Variants in COLEC12 observed in about 807,000 individuals in gnomAD.
COLEC12 encodes collectin subfamily member 12, also known as collectin-12.
A neutral mutation model predicts 71.1 loss-of-function variants in COLEC12; 33 were observed. The ratio of observed to expected loss-of-function variants is 0.46; its 90% CI spans 0.35 to 0.62. The LOEUF (loss-of-function observed/expected upper bound fraction) is 0.62. Among genes scored for constraint, COLEC12 ranks in the 20% least tolerant of loss-of-function variants. COLEC12 has a pLI of 0.00. For synonymous variants in COLEC12, 350 were observed against 353.0 expected (o/e 0.99, Z 0.10); for missense variants, 765 against 916.1 (o/e 0.84, Z 2.13).
intron 3 of COLEC12, among the ~76,000 whole-genome samples, chr18:350,916 C>T (rs934965095): frequency 4.0e-5 from 6 of 148,382 alleles, no homozygotes; most frequent in East Asian, 2.0e-4. Flanking sequence ...GCCGAGATCA[C>T]GCCATTGCAC....
intron 2 of COLEC12, among the ~76,000 whole-genome samples, chr18:429,327 T>C (rs553433133): frequency 1.3e-5 from 2 of 152,326 alleles, no homozygotes; most frequent in South Asian, 2.1e-4. Flanking sequence ...ATCTCTACAG[T>C]TGGCTGATTT....
At chr18:349,847 C>T (rs1015985525) in intron 3 of COLEC12, among the ~76,000 whole-genome samples, 1 of 152,204 alleles carries the variant, frequency 6.6e-6, no homozygotes, top group East Asian at 1.9e-4. Context: ...TCTGTTTTGG[C>T]CAATTTCTCC....
intron 2 of COLEC12, among the ~76,000 whole-genome samples, chr18:442,778 G>A (rs147354693): frequency 0.04 from 6,031 of 152,272 alleles, 221 homozygotes; most frequent in African/African-American, 0.095. Flanking sequence ...TGGCTAACAC[G>A]GTGAAACCCT....
chr18:332,996 G>T lies in COLEC12; in HGVS notation c.1953+11C>A. 1 of 1,552,184 alleles carries T rather than the reference G, an allele frequency of 6.4e-7. No homozygotes were observed. Among genetic ancestry groups the T allele is most frequent in the South Asian group, 1.2e-5 (1 of 81,894 alleles). ...TATAGTTTTCCCCAACCAAGTATGTGGCAGGCATACCTGTTCCTCTCTAGT... is the reference window on the plus strand; with the variant it reads ...TATAGTTTTCCCCAACCAAGTATGTTGCAGGCATACCTGTTCCTCTCTAGT... On this transcript the variant is annotated intron_variant, in intron 7 of 9. Coordinates refer to ENST00000400256, the MANE Select transcript of COLEC12 (RefSeq NM_130386.3).
At position 317,281 on chromosome 18, in the gene COLEC12, C is replaced by T. The variant is rs141139571; in HGVS notation, c.*2764G>A. 4 of 151,992 alleles carry T rather than the reference C, an allele frequency of 2.6e-5. No individual in the cohort carries two copies. The highest frequency in any genetic ancestry group is 4.4e-5 in the Non-Finnish European group (3 of 67,990). The allele number at this position is 151,992 out of a possible 1,614,324, so 9.4% of individuals were successfully genotyped here. A position where few individuals can be genotyped will look rare whatever the true frequency, so the allele number is the denominator to read the frequency against. ...GTATGTAAGTAGCTAAATATAGAGA[C>T]GTATAGGAGGCATCTTGTAATGTGT... On this transcript the variant is annotated 3_prime_UTR_variant, in exon 10 of 10. Transcript: ENST00000400256.
intron 2 of COLEC12, among the ~76,000 whole-genome samples, chr18:475,530 A>C (rs2621165): frequency 0.86 from 130,737 of 152,164 alleles, 56,549 homozygotes; most frequent in East Asian, 0.99. Flanking sequence ...CTGCCCCGTA[A>C]AAGCCCAGCA....
At chr18:324,346 C>A (rs1436904927) in intron 8 of COLEC12, among the ~76,000 whole-genome samples, 1 of 152,152 alleles carries the variant, frequency 6.6e-6, no homozygotes, top group South Asian at 2.1e-4. Flanking sequence ...AAGTCTGGGG[C>A]TCAAAGCCCT....
chr18:359,283 A>G (rs1188506634), intron 2 of COLEC12, among the ~76,000 whole-genome samples: 2 of 152,208 alleles, frequency 1.3e-5, no homozygotes, highest in Non-Finnish European at 2.9e-5. Flanking sequence ...AACACCGCGA[A>G]TTAGGATGGC....
At chr18:487,048 C>CA (rs1917532407) in intron 1 of COLEC12, among the ~76,000 whole-genome samples, 1 of 151,500 alleles carries the variant, frequency 6.6e-6, no homozygotes, top group African/African-American at 2.4e-5. Flanking sequence ...TTCATAACAG[C>CA]AAAAAAAGGG....
Position 319,425 on chromosome 18 carries a change from A to G in COLEC12, c.*620T>C, listed in dbSNP as rs1400824095. ...TTGAAAAAATTCTTTGCCACTGGGTAGAATTAAATCTGACAGGAAACCCTA... is the reference window on the plus strand; with the variant it reads ...TTGAAAAAATTCTTTGCCACTGGGTGGAATTAAATCTGACAGGAAACCCTA... On this transcript the variant is annotated 3_prime_UTR_variant, in exon 10 of 10. Transcript: ENST00000400256. The G allele has an allele frequency of 6.8e-6, 1 of 146,758 alleles. No homozygotes were observed. The highest frequency in any genetic ancestry group is 1.5e-5 in the Non-Finnish European group (1 of 66,824). The allele number at this position is 146,758 out of a possible 1,614,324, so 9.1% of individuals were successfully genotyped here.
chr18:461,096 C>T (rs879713815), intron 2 of COLEC12, among the ~76,000 whole-genome samples: 7 of 152,110 alleles, frequency 4.6e-5, no homozygotes, highest in Admixed American at 3.3e-4. Context: ...TGCTAATAAT[C>T]GGCTGAGTTT....
intron 2 of COLEC12, among the ~76,000 whole-genome samples, chr18:395,447 C>T (rs1915550261): frequency 6.6e-6 from 1 of 152,188 alleles, no homozygotes; most frequent in Non-Finnish European, 1.5e-5. Flanking sequence ...AGTGTACTAA[C>T]TCAACCCCTG....
At chr18:368,683 T>A (rs529224404) in intron 2 of COLEC12, among the ~76,000 whole-genome samples, 6 of 150,972 alleles carry the variant, frequency 4.0e-5, no homozygotes, top group Non-Finnish European at 8.8e-5. Context: ...GCTAACATGG[T>A]GAAACCCCGT....
chr18:483,803 G>T (rs150721150), intron 1 of COLEC12, among the ~76,000 whole-genome samples: 19 of 152,302 alleles, frequency 1.2e-4, no homozygotes, highest in African/African-American at 4.3e-4. Context: ...GACCTGCTGC[G>T]TCTGCTTAGA....
At chr18:380,488 A>ATCTTT (rs199591294) in intron 2 of COLEC12, among the ~76,000 whole-genome samples, 2 of 32,410 alleles carry the variant, frequency 6.2e-5, no homozygotes, top group Non-Finnish European at 1.5e-4. Flanking sequence ...CAAGAATGGT[A>ATCTTT]TCTTTTCATC....
chr18:374,399 T>C (rs953309284), intron 2 of COLEC12, among the ~76,000 whole-genome samples: 3 of 152,120 alleles, frequency 2.0e-5, no homozygotes, highest in Non-Finnish European at 4.4e-5. Context: ...GTGTTGAAAG[T>C]ATGACCTGCA....
At position 347,123 on chromosome 18, in the gene COLEC12, C is replaced by G; in HGVS notation, c.499G>C (p.Val167Leu). The G allele has an allele frequency of 6.2e-7, 1 of 1,614,186 alleles. No individual in the cohort carries two copies. The highest frequency in any genetic ancestry group is 8.5e-7 in the Non-Finnish European group (1 of 1,180,034). The change falls in exon 5 of 10, where the codon GTA becomes CTA. Residue 167 changes from valine to leucine, a missense_variant. Val to Leu is a conservative substitution (Grantham distance 32). Transcript: ENST00000400256. ...LENNSFLITT[V>L]NKTLQAYNGY... ...TTATACGCCTGGAGGGTTTTGTTTA[C>G]AGTGGTGATGAGGAAAGAGTTATTC...
At chr18:488,649 G>T (rs1208765831) in intron 1 of COLEC12, among the ~76,000 whole-genome samples, 1 of 151,980 alleles carries the variant, frequency 6.6e-6, no homozygotes, top group Non-Finnish European at 1.5e-5. Flanking sequence ...AAGGCAGGCG[G>T]ATCACCTGAG....
chr18:382,786 C>T (rs973459491), intron 2 of COLEC12, among the ~76,000 whole-genome samples: 18 of 152,150 alleles, frequency 1.2e-4, no homozygotes, highest in African/African-American at 3.6e-4. Context: ...CTGATTCAAG[C>T]AAATGTTATT....
Sources: allele counts gnomAD v4.1 joint callset (sites outside exome capture counted in the v4.1 genomes callset), GRCh38; gene constraint gnomAD v4.1.1; transcripts MANE v1.5; gene names NCBI Gene and HGNC (gene_info 2026-07-23, HGNC 2026-07-21).